The following CSTF3 variants were observed in gnomAD, a reference collection of about 807,000 sequenced individuals.
CSTF3 encodes the protein cleavage stimulation factor subunit 3.
CSTF3 carries 29 observed loss-of-function variants against 105.8 expected under a neutral mutation model. That is an observed-to-expected ratio of 0.27 (90% CI 0.20 to 0.37). The LOEUF (loss-of-function observed/expected upper bound fraction) is 0.37, where lower values mean the gene tolerates loss of function less well. CSTF3 is among the 10% of genes least tolerant of loss of function. The pLI is 1.00. For synonymous variants in CSTF3, 252 were observed against 281.9 expected, an observed-to-expected ratio of 0.89 and a Z score of 1.06; for missense variants, 357 against 879.3, an observed-to-expected ratio of 0.41 and a Z score of 7.51.
At chr11:33,155,402 A>G (rs1849850306) in intron 1 of CSTF3, among the ~76,000 whole-genome samples, 1 of 145,694 alleles carries the variant, frequency 6.9e-6, no homozygotes, top group Non-Finnish European at 1.5e-5. Flanking sequence ...AAAAAAAAAG[A>G]TCTTGGCTTA....
intron 5 of CSTF3, among the ~76,000 whole-genome samples, chr11:33,106,453 A>G (rs768486218): frequency 1.3e-5 from 2 of 151,988 alleles, no homozygotes; most frequent in African/African-American, 2.4e-5. Context: ...TTGAAGATAG[A>G]CGTGGTGGTT....
intron 3 of CSTF3, among the ~76,000 whole-genome samples, chr11:33,126,875 G>A (rs1855548278): frequency 6.6e-6 from 1 of 152,114 alleles, no homozygotes; most frequent in Non-Finnish European, 1.5e-5. Context: ...AGTACATTAG[G>A]TGATGAGTAT....
chr11:33,149,322 G>A (rs1018579980), intron 1 of CSTF3, among the ~76,000 whole-genome samples: 3 of 152,088 alleles, frequency 2.0e-5, no homozygotes, highest in Non-Finnish European at 2.9e-5. Context: ...TCAATCAACC[G>A]CATTAATTAA....
chr11:33,107,845 TG>T (rs938572803), intron 5 of CSTF3, 57 bp downstream of exon 5: 3 of 974,018 alleles, frequency 3.1e-6, no homozygotes, highest in African/African-American at 3.3e-5. Context: ...TGAGTTTATG[TG>T]GGATTAACTG....
At chr11:33,119,350 TG>T (rs1445550006) in intron 3 of CSTF3, among the ~76,000 whole-genome samples, 1 of 151,864 alleles carries the variant, frequency 6.6e-6, no homozygotes, top group African/African-American at 2.4e-5. Context: ...TTTTTTTCCA[TG>T]TAACTTTCTT....
chr11:33,087,205 A>G (rs1404713342), intron 17 of CSTF3, 64 bp from the exon 18 acceptor site: 4 of 1,550,398 alleles, frequency 2.6e-6, no homozygotes, highest in Non-Finnish European at 3.5e-6. Context: ...TAATCATGCA[A>G]TAACCTTGAG....
rs1855240005 is a variant in CSTF3 at position 33,097,752 on chromosome 11, C to G, written c.1129-774G>C. ...TTCCGAACAACATATAATAGAACTT[C>G]ATGGATAAACTATGAGCCATTTTAT... On this transcript the variant is annotated intron_variant, in intron 13 of 20. Coordinates refer to ENST00000323959, the MANE Select transcript of CSTF3 (RefSeq NM_001326.3). Among the ~76,000 whole-genome samples, 4 of 152,294 alleles carry G rather than the reference C, an allele frequency of 2.6e-5. No individual in the cohort carries two copies. In the South Asian group the frequency reaches 8.3e-4, roughly 32 times the overall value.
At chr11:33,122,914 C>CAAAAAAAA (rs10600978) in intron 3 of CSTF3, among the ~76,000 whole-genome samples, 1 of 83,840 alleles carries the variant, frequency 1.2e-5, no homozygotes. Context: ...TATCCTGTCT[C>CAAAAAAAA]AAAAAAAAAA....
chr11:33,148,856 C>T (rs1390794641), intron 1 of CSTF3, among the ~76,000 whole-genome samples: 14 of 126,372 alleles, frequency 1.1e-4, no homozygotes, highest in Non-Finnish European at 1.5e-4. Flanking sequence ...TGTACTGTTG[C>T]TGTGTTTTTT....
chr11:33,118,081 ATT>A (rs200228683), intron 3 of CSTF3, among the ~76,000 whole-genome samples: 14 of 142,430 alleles, frequency 9.8e-5, no homozygotes, highest in African/African-American at 2.6e-4. Flanking sequence ...CAGATTAGGG[ATT>A]TTTTTTTTTT....
At chr11:33,096,677 T>C (rs190151503) in intron 14 of CSTF3, among the ~76,000 whole-genome samples, 158 bp downstream of exon 14, 2 of 152,286 alleles carry the variant, frequency 1.3e-5, no homozygotes, top group Admixed American at 1.3e-4. Context: ...AGTTGGGGAT[T>C]TGGATGATGC....
chr11:33,098,301 A>G (rs1416697805), intron 13 of CSTF3, among the ~76,000 whole-genome samples: 5 of 152,212 alleles, frequency 3.3e-5, no homozygotes, highest in Non-Finnish European at 7.3e-5. Context: ...GCCTCATTTA[A>G]AAAGAAATAT....
intron 18 of CSTF3, 140 bp downstream of exon 18, chr11:33,086,848 A>G: frequency 1.0e-6 from 1 of 976,050 alleles, no homozygotes; most frequent in Admixed American, 2.2e-5. Flanking sequence ...CAAAGATTAA[A>G]GCTAAATCAC....
intron 3 of CSTF3, among the ~76,000 whole-genome samples, chr11:33,113,121 C>T (rs1297368533): frequency 6.6e-6 from 1 of 151,808 alleles, no homozygotes; most frequent in African/African-American, 2.4e-5. Context: ...GCAGGAGAAT[C>T]ATTTGAACCC....
chr11:33,098,702 A>T lies in CSTF3; in HGVS notation c.1116T>A (p.Ile372=), dbSNP rs1855249550. ...IYNRLLAIED[I]DPTLVYIQYM... is the part of the protein sequence containing the mutation. ...TAAAGTTACTCACCAAGGTAGGGTCAATATCCTCAATTGCCAGAAGTCTGT... is the reference window on the plus strand; with the variant it reads ...TAAAGTTACTCACCAAGGTAGGGTCTATATCCTCAATTGCCAGAAGTCTGT... Residue 372 remains isoleucine (I), a synonymous_variant, in exon 13 of 21, where the codon ATT becomes ATA. Coordinates refer to ENST00000323959, the MANE Select transcript of CSTF3 (RefSeq NM_001326.3). 6.3e-6 allele frequency: 10 copies of T among 1,582,126 alleles called. No individual in the cohort carries two copies. The highest frequency in any genetic ancestry group is 6.9e-6 in the Non-Finnish European group (8 of 1,165,636).
At chr11:33,115,902 G>A (rs905588851) in intron 3 of CSTF3, among the ~76,000 whole-genome samples, 1 of 152,120 alleles carries the variant, frequency 6.6e-6, no homozygotes, top group South Asian at 2.1e-4. Flanking sequence ...AACATGGTGA[G>A]ATTCTGTCTA....
At chr11:33,141,621 G>T in intron 3 of CSTF3, 46 bp downstream of exon 3, 1 of 1,567,020 alleles carries the variant, frequency 6.4e-7, no homozygotes, top group Non-Finnish European at 8.6e-7. Context: ...TCACTACAGT[G>T]AATGCTGCAA....
chr11:33,086,838 C>G, intron 18 of CSTF3, 150 bp downstream of exon 18: 1 of 922,702 alleles, frequency 1.1e-6, no homozygotes, highest in Non-Finnish European at 1.7e-6. Context: ...TAATCTAGTT[C>G]AAAGATTAAA....
rs761298350 is a variant in CSTF3 at position 33,085,138 on chromosome 11, G to C, written c.2103C>G (p.Val701=). Residue 701 remains valine, a synonymous_variant, in exon 21 of 21, where the codon GTC becomes GTG. Coordinates refer to ENST00000323959, the MANE Select transcript of CSTF3 (RefSeq NM_001326.3). ...CTCTGTAAATGTCATGAACAGGGGGGACAACGGCTCCCTTTTCTTCATCTT... is the reference window on the plus strand; with the variant it reads ...CTCTGTAAATGTCATGAACAGGGGGCACAACGGCTCCCTTTTCTTCATCTT... ...SDEDEEKGAV[V]PPVHDIYRAR... is the part of the protein sequence containing the mutation. 4 of 1,614,032 alleles carry C rather than the reference G, an allele frequency of 2.5e-6. No individual in the cohort carries two copies. Among genetic ancestry groups the C allele is most frequent in the South Asian group, 2.2e-5 (2 of 91,082 alleles).
Sources: allele counts gnomAD v4.1 joint callset (sites outside exome capture counted in the v4.1 genomes callset), GRCh38; gene constraint gnomAD v4.1.1; transcripts MANE v1.5; gene names NCBI Gene and HGNC (gene_info 2026-07-23, HGNC 2026-07-21).